Variants in SLC24A2 observed in about 807,000 individuals in gnomAD.
SLC24A2 encodes solute carrier family 24 member 2, also known as sodium/potassium/calcium exchanger 2.
In SLC24A2, 36 loss-of-function variants were observed where a neutral mutation model predicts 62.0. The observed-to-expected ratio is 0.58, with a 90% CI of 0.44 to 0.77. SLC24A2 has a LOEUF of 0.77. Ranked by LOEUF, SLC24A2 falls within the 30% of genes least tolerant of loss-of-function variation. SLC24A2 has a pLI of 0.00. For missense variants in SLC24A2, 846 were observed against 817.9 expected, an observed-to-expected ratio of 1.03 and a Z score of -0.42; for synonymous variants, 358 against 294.0, an observed-to-expected ratio of 1.22 and a Z score of -2.23.
At chr9:19,531,108 C>T (rs887343720) in intron 8 of SLC24A2, among the ~76,000 whole-genome samples, 8 of 152,206 alleles carry the variant, frequency 5.3e-5, no homozygotes, top group South Asian at 4.1e-4. Context: ...CCATCTGCCT[C>T]GCCCAACCTC....
the SLC24A2 span, among the ~76,000 whole-genome samples, chr9:20,219,898 C>T: frequency 1.3e-5 from 2 of 152,138 alleles, no homozygotes; most frequent in Non-Finnish European, 1.5e-5. Flanking sequence ...ATTAAGTGCT[C>T]TTCATATATC....
intron 4 of SLC24A2, among the ~76,000 whole-genome samples, chr9:19,615,259 C>G (rs1817734870): frequency 6.6e-6 from 1 of 152,210 alleles, no homozygotes; most frequent in African/African-American, 2.4e-5. Context: ...ACACCAAATG[C>G]CAGTAGTGCC....
chr9:20,176,002 G>A, the SLC24A2 span, among the ~76,000 whole-genome samples: 1 of 151,974 alleles, frequency 6.6e-6, no homozygotes, highest in Non-Finnish European at 1.5e-5. Flanking sequence ...ATTTGGAAGG[G>A]CAAAAAGATA....
chr9:19,559,080 A>G (rs1450370026), intron 7 of SLC24A2, among the ~76,000 whole-genome samples: 3 of 152,262 alleles, frequency 2.0e-5, no homozygotes, highest in Non-Finnish European at 4.4e-5. Context: ...AGGATAATCC[A>G]GGAAGGCACT....
At chr9:19,521,124 A>G (rs1384957738) in intron 9 of SLC24A2, 64 bp from the exon 10 acceptor site, 1 of 1,480,192 alleles carries the variant, frequency 6.8e-7, no homozygotes, top group Non-Finnish European at 9.4e-7. Flanking sequence ...AAAATCACAA[A>G]AATTTCAATG....
the SLC24A2 span, among the ~76,000 whole-genome samples, chr9:20,049,227 G>A: frequency 2.0e-5 from 3 of 152,150 alleles, no homozygotes; most frequent in African/African-American, 2.4e-5. Context: ...TTTCTATTTT[G>A]TAATGGTTAT....
intron 10 of SLC24A2, among the ~76,000 whole-genome samples, chr9:19,518,482 C>T (rs1447864721): frequency 2.7e-4 from 40 of 148,092 alleles, no homozygotes; most frequent in African/African-American, 9.5e-4. Context: ...AGTGCAGTGG[C>T]GTGATCTTGG....
upstream of SLC24A2, among the ~76,000 whole-genome samples, chr9:19,792,517 C>T (rs1823330192): frequency 1.4e-5 from 2 of 139,304 alleles, no homozygotes; most frequent in Admixed American, 1.4e-4. Context: ...ATGGTGAAAC[C>T]CTGTCTCTAC....
At chr9:20,267,729 G>C in the SLC24A2 span, among the ~76,000 whole-genome samples, 2 of 152,208 alleles carry the variant, frequency 1.3e-5, no homozygotes, top group East Asian at 3.9e-4. Context: ...TCCATTTAGA[G>C]AATGTTTGCC....
At chr9:19,883,879 C>G in the SLC24A2 span, among the ~76,000 whole-genome samples, 1 of 152,162 alleles carries the variant, frequency 6.6e-6, no homozygotes, top group Non-Finnish European at 1.5e-5. Flanking sequence ...TATCACTGTT[C>G]TAATATGTAC....
At chr9:20,157,037 A>G in the SLC24A2 span, among the ~76,000 whole-genome samples, 1 of 151,766 alleles carries the variant, frequency 6.6e-6, no homozygotes, top group Non-Finnish European at 1.5e-5. Context: ...GCAATAAGAC[A>G]AGGCAAAAAC....
the SLC24A2 span, among the ~76,000 whole-genome samples, chr9:20,135,550 T>C: frequency 6.6e-6 from 1 of 152,060 alleles, no homozygotes; most frequent in Admixed American, 6.6e-5. Flanking sequence ...GAGGTCATTG[T>C]AAGTATTAAC....
the SLC24A2 span, among the ~76,000 whole-genome samples, chr9:19,876,584 T>C: frequency 6.6e-6 from 1 of 152,312 alleles, no homozygotes; most frequent in East Asian, 1.9e-4. Context: ...TGAATGATGA[T>C]GTCTCCAATT....
At chr9:19,673,387 G>A (rs1306724839) in intron 2 of SLC24A2, among the ~76,000 whole-genome samples, 1 of 147,038 alleles carries the variant, frequency 6.8e-6, no homozygotes, top group African/African-American at 2.7e-5. Context: ...CATTTGCATG[G>A]AATATCTTCC....
the SLC24A2 span, among the ~76,000 whole-genome samples, chr9:19,880,235 T>C: frequency 6.6e-6 from 1 of 152,190 alleles, no homozygotes. Context: ...AGCATTCCAA[T>C]CCTTCCAAGA....
At chr9:19,819,993 GTATATATATATATGTGTATATATATA>G in the SLC24A2 span, among the ~76,000 whole-genome samples, 2 of 123,866 alleles carry the variant, frequency 1.6e-5, no homozygotes, top group Non-Finnish European at 3.2e-5. Context: ...AGAAACTGCA[GTATATATATATATGTGTATATATATA>G]TATATACACA....
intron 2 of SLC24A2, among the ~76,000 whole-genome samples, chr9:19,636,306 TTTCTTTTCTTTTC>T (rs1818321962): frequency 2.4e-5 from 1 of 42,100 alleles, no homozygotes; most frequent in African/African-American, 1.0e-4. Flanking sequence ...TTTCTTTTCT[TTTCTTTTCTTTTC>T]TTTCTTTCTT....
chr9:20,106,680 G>A, the SLC24A2 span, among the ~76,000 whole-genome samples: 1 of 152,036 alleles, frequency 6.6e-6, no homozygotes, highest in South Asian at 2.1e-4. Flanking sequence ...AATAAATTAG[G>A]TATTGATGGG....
the SLC24A2 span, among the ~76,000 whole-genome samples, chr9:20,289,555 G>T: frequency 6.6e-6 from 1 of 152,180 alleles, no homozygotes; most frequent in African/African-American, 2.4e-5. Context: ...AAATGCAGAT[G>T]AAAATAGTAC....
Sources: gnomAD v4.1 joint callset for allele counts (sites outside exome capture counted in the v4.1 genomes callset) on GRCh38, gnomAD v4.1.1 for gene constraint, MANE v1.5 for transcripts, NCBI Gene and HGNC (gene_info 2026-07-23, HGNC 2026-07-21) for gene names.